Variants in ADCY7 observed in about 807,000 individuals in gnomAD.
ADCY7 encodes the protein adenylate cyclase type 7.
Under a neutral mutation model 120.6 loss-of-function variants are expected in ADCY7, and 72 were observed. The observed-to-expected ratio is 0.60, with a 90% confidence interval of 0.49 to 0.73. The LOEUF (loss-of-function observed/expected upper bound fraction) is 0.73, where lower values mean the gene tolerates loss of function less well. ADCY7 is among the 30% of genes least tolerant of loss of function. The pLI, the probability that ADCY7 is intolerant of heterozygous loss-of-function variation, is 0.00. For synonymous variants in ADCY7, 661 were observed against 628.0 expected, an observed-to-expected ratio of 1.05 and a Z score of -0.78; for missense variants, 1,227 against 1,486.0, an observed-to-expected ratio of 0.83 and a Z score of 2.87.
At chr16:50,311,986 C>CGG in intron 20 of ADCY7, 50 bp from the exon 21 acceptor site, 1 of 1,608,122 alleles carries the variant, frequency 6.2e-7, no homozygotes, top group Middle Eastern at 1.7e-4. Context: ...CACAGCAGCA[C>CGG]GGCTCCCACT....
At position 50,310,679 on chromosome 16, in the gene ADCY7, C is replaced by T. The variant is rs748948755; in HGVS notation, c.2161-8C>T. On this transcript the variant is annotated splice_region_variant and splice_polypyrimidine_tract_variant and intron_variant, in intron 18 of 25. Transcript: ENST00000673801. ...GGCCCTGTCCTGAGTGACACCCTGC[C>T]CCCTCAGTACTACACCTGCAGCTGT... 89 of 1,612,744 alleles carry T rather than the reference C, an allele frequency of 5.5e-5. No homozygotes were observed. Among genetic ancestry groups the T allele is most frequent in the Admixed American group, 2.0e-4 (12 of 59,962 alleles).
intron 18 of ADCY7, chr16:50,310,449 C>T (rs1168199112): frequency 2.0e-6 from 3 of 1,535,996 alleles, no homozygotes; most frequent in Non-Finnish European, 1.7e-6. Context: ...CTGTTGTATC[C>T]ACAGCACCTG....
At chr16:50,302,878 GA>G (rs1214647965) in intron 10 of ADCY7, among the ~76,000 whole-genome samples, 3 of 152,224 alleles carry the variant, frequency 2.0e-5, no homozygotes, top group African/African-American at 7.2e-5. Flanking sequence ...TTTTGACATG[GA>G]GGTGGATTTT....
intron 24 of ADCY7, chr16:50,314,676 A>C (rs150714591): frequency 4.2e-4 from 200 of 476,302 alleles, no homozygotes; most frequent in African/African-American, 3.4e-3. Flanking sequence ...TAGAGAAGGA[A>C]GCAAAGTTAC....
chr16:50,314,431 TG>T, intron 24 of ADCY7, 25 bp downstream of exon 24: 1 of 1,590,518 alleles, frequency 6.3e-7, no homozygotes, highest in Non-Finnish European at 8.6e-7. Flanking sequence ...TGGAGCGGGG[TG>T]GGGAGCCCCT....
intron 7 of ADCY7, among the ~76,000 whole-genome samples, chr16:50,295,723 G>T (rs998121302): frequency 5.3e-5 from 8 of 152,094 alleles, no homozygotes; most frequent in African/African-American, 1.9e-4. Flanking sequence ...AGCTCGACAC[G>T]TGCCAGGCAG....
rs774872669 is a variant in ADCY7 at position 50,309,662 on chromosome 16, C to G, written c.2160+16C>G. On this transcript the variant is annotated intron_variant, in intron 18 of 25. Coordinates refer to ENST00000673801, the MANE Select transcript of ADCY7 (RefSeq NM_001114.5). ...GCCCCTCCCGGTGAGTGCGCCGGGC[C>G]CGGCTCCGTGGCCTCATTCAGAGTG... 3 of 1,602,224 alleles carry G rather than the reference C, an allele frequency of 1.9e-6. No homozygotes were observed. The highest frequency in any genetic ancestry group is 2.2e-5 in the East Asian group (1 of 44,818).
rs550052298 is a variant in ADCY7, at chr16:50,292,759, C to T, written c.621C>T (p.Asp207=). 6.2e-7 allele frequency: 1 copy of T among 1,613,940 alleles called. No homozygotes were observed. The highest frequency in any genetic ancestry group is 8.5e-7 in the Non-Finnish European group (1 of 1,179,992). The change falls in exon 5 of 26, where the codon GAC becomes GAT. Residue 207 remains aspartate (D), a synonymous_variant. Coordinates refer to ENST00000673801, the MANE Select transcript of ADCY7 (RefSeq NM_001114.5). ...HKHQMQDASR[D]LFTYTVKCIQ... is the part of the protein sequence containing the mutation. ...ACCAAATGCAGGATGCATCCCGGGA[C>T]CTCTTCACCTACACTGTGAAGTGCA...
At chr16:50,260,021 G>C (rs991092288) in intron 1 of ADCY7, among the ~76,000 whole-genome samples, 2 of 152,240 alleles carry the variant, frequency 1.3e-5, no homozygotes, top group Admixed American at 1.3e-4. Flanking sequence ...GAGCTGTGCT[G>C]CCTCTGCGAG....
chr16:50,273,082 A>C (rs1053845992), intron 1 of ADCY7, among the ~76,000 whole-genome samples: 10 of 152,182 alleles, frequency 6.6e-5, no homozygotes, highest in African/African-American at 2.2e-4. Flanking sequence ...GTGTGTCCCC[A>C]GTGCCTGTTT....
In ADCY7 at chr16:50,288,289, C is replaced by G. The variant is rs28514808; in HGVS notation, c.110C>G (p.Thr37Arg). 1.3e-6 allele frequency: 2 copies of G among 1,550,964 alleles called. No individual in the cohort carries two copies. Among genetic ancestry groups the G allele is most frequent in the Non-Finnish European group, 1.7e-6 (2 of 1,146,872 alleles). Reference sequence around the variant, plus strand: ...AGCCAGCATGGGCCGCTGCTGCTCACGCTCCTGCTGGTGGCCGCCACTGCC... The same window carrying G: ...AGCCAGCATGGGCCGCTGCTGCTCAGGCTCCTGCTGGTGGCCGCCACTGCC... ...LTSQHGPLLLTLLLVAATACV... is the reference protein window; with the variant it reads ...LTSQHGPLLLRLLLVAATACV... Residue 37 changes from threonine (T) to arginine (R), a missense_variant, in exon 2 of 26, where the codon ACG becomes AGG. Thr to Arg is a moderately conservative substitution (Grantham distance 71). Around this residue, in one of 5 missense-constraint regions of ADCY7, gnomAD observed 382 missense variants for 411.4 expected, o/e 0.93. Coordinates refer to ENST00000673801, the MANE Select transcript of ADCY7 (RefSeq NM_001114.5).
At chr16:50,298,558 A>G (rs1490212921) in intron 7 of ADCY7, among the ~76,000 whole-genome samples, 2 of 152,090 alleles carry the variant, frequency 1.3e-5, no homozygotes, top group Non-Finnish European at 1.5e-5. Flanking sequence ...AGAGATTTGC[A>G]TCTATTTTGT....
intron 7 of ADCY7, among the ~76,000 whole-genome samples, chr16:50,295,975 C>T (rs1385416768): frequency 6.6e-6 from 1 of 152,156 alleles, no homozygotes; most frequent in Non-Finnish European, 1.5e-5. Flanking sequence ...GTGGTGGCTC[C>T]CTATCCTGGC....
upstream of ADCY7, among the ~76,000 whole-genome samples, chr16:50,245,644 A>G (rs981975643): frequency 6.6e-6 from 1 of 151,986 alleles, no homozygotes; most frequent in Admixed American, 6.5e-5. Context: ...TAGGAGGTTA[A>G]GGCCTGAGTG....
chr16:50,270,279 G>T (rs2033478612), intron 1 of ADCY7, among the ~76,000 whole-genome samples: 1 of 152,192 alleles, frequency 6.6e-6, no homozygotes, highest in Non-Finnish European at 1.5e-5. Flanking sequence ...AGTTGGAACT[G>T]GAGAATGAGA....
At chr16:50,312,776 T>G in intron 21 of ADCY7, 114 bp from the exon 22 acceptor site, 3 of 780,092 alleles carry the variant, frequency 3.8e-6, no homozygotes, top group Non-Finnish European at 3.6e-6. Context: ...CCCTCCCCAC[T>G]CCCCGAAAGC....
intron 19 of ADCY7, among the ~76,000 whole-genome samples, chr16:50,311,440 T>TCAGG (rs1443285238): frequency 1.3e-5 from 2 of 152,138 alleles, no homozygotes. Flanking sequence ...TGGGCTCCCT[T>TCAGG]CAGGCCCTCA....
upstream of ADCY7, among the ~76,000 whole-genome samples, chr16:50,266,176 G>C (rs2033202834): frequency 6.6e-6 from 1 of 152,184 alleles, no homozygotes; most frequent in Non-Finnish European, 1.5e-5. Context: ...AAGGCGCGGG[G>C]GGCCTGTCTG....
chr16:50,310,609 C>A, intron 18 of ADCY7, 78 bp from the exon 19 acceptor site: 2 of 1,602,144 alleles, frequency 1.2e-6, no homozygotes, highest in East Asian at 2.2e-5. Context: ...GGGAGTGGGG[C>A]TCTGTGGTAT....
Sources: gnomAD v4.1 joint callset for allele counts (sites outside exome capture counted in the v4.1 genomes callset) on GRCh38, gnomAD v4.1.1 for gene constraint, gnomAD v4.1.1 regional missense constraint, MANE v1.5 for transcripts, NCBI Gene and HGNC (gene_info 2026-07-23, HGNC 2026-07-21) for gene names.